The following BMP5 variants were observed in gnomAD, a reference collection of about 807,000 sequenced individuals.
The protein encoded by BMP5 is bone morphogenetic protein 5.
In BMP5, 23 loss-of-function variants were observed where a neutral mutation model predicts 46.6. The observed-to-expected ratio is 0.49, with a 90% CI of 0.35 to 0.70. The LOEUF (loss-of-function observed/expected upper bound fraction) is 0.70. Ranked by LOEUF, BMP5 falls within the 30% of genes least tolerant of loss-of-function variation. The pLI is 0.00. For missense variants in BMP5, 545 were observed against 565.6 expected, an observed-to-expected ratio of 0.96 and a Z score of 0.37; for synonymous variants, 204 against 191.9, an observed-to-expected ratio of 1.06 and a Z score of -0.52.
intron 2 of BMP5, among the ~76,000 whole-genome samples, chr6:55,810,578 T>G (rs912106240): frequency 6.6e-6 from 1 of 152,220 alleles, no homozygotes; most frequent in African/African-American, 2.4e-5. Context: ...CCATTTTTCA[T>G]GCAGTGAATG....
In BMP5 at chr6:55,845,431, T is replaced by C. The variant is rs75566690; in HGVS notation, c.491-25584A>G. On this transcript the variant is annotated intron_variant, in intron 1 of 6. Transcript: ENST00000370830. ...AAAAAATGATCTGGATGCTTTGATG[T>C]AGTGACATAACCACAAGGCGACGGG... Among the ~76,000 whole-genome samples, 8 of 152,124 alleles carry C rather than the reference T, an allele frequency of 5.3e-5. No homozygotes were observed. In the East Asian group the frequency reaches 1.5e-3, roughly 29 times the overall value.
chr6:55,814,325 TA>T (rs1225804182), intron 2 of BMP5, among the ~76,000 whole-genome samples: 3 of 152,172 alleles, frequency 2.0e-5, no homozygotes, highest in Non-Finnish European at 2.9e-5. Context: ...TAAACTAACA[TA>T]GATGCTCATA....
At chr6:55,757,328 T>A (rs1163015652) in intron 6 of BMP5, among the ~76,000 whole-genome samples, 1 of 152,014 alleles carries the variant, frequency 6.6e-6, no homozygotes, top group African/African-American at 2.4e-5. Flanking sequence ...AGGCAAAGAA[T>A]TTTCTGAGAA....
chr6:55,780,439 T>G (rs1344401510), intron 3 of BMP5, among the ~76,000 whole-genome samples: 2 of 89,738 alleles, frequency 2.2e-5, no homozygotes, highest in Non-Finnish European at 4.0e-5. Context: ...GTTAACACAG[T>G]GAAACCCCAT....
intron 2 of BMP5, among the ~76,000 whole-genome samples, chr6:55,816,131 T>C (rs1335364649): frequency 6.6e-6 from 1 of 151,938 alleles, no homozygotes; most frequent in Non-Finnish European, 1.5e-5. Flanking sequence ...AACTATAAAC[T>C]CAACATACAT....
At chr6:55,766,043 T>C (rs1774909359) in intron 4 of BMP5, among the ~76,000 whole-genome samples, 1 of 152,150 alleles carries the variant, frequency 6.6e-6, no homozygotes, top group Admixed American at 6.6e-5. Context: ...CCAGAAAATT[T>C]AATAAGCTTC....
chr6:55,832,872 A>G (rs1776698676), intron 1 of BMP5, among the ~76,000 whole-genome samples: 1 of 152,208 alleles, frequency 6.6e-6, no homozygotes, highest in Middle Eastern at 3.4e-3. Context: ...GCACTTTGGG[A>G]GACTAAGGCA....
At chr6:55,870,569 A>C (rs971471233) in intron 1 of BMP5, among the ~76,000 whole-genome samples, 3 of 152,174 alleles carry the variant, frequency 2.0e-5, no homozygotes, top group African/African-American at 7.2e-5. Flanking sequence ...TATGTTACAC[A>C]AGTGTTAATA....
At chr6:55,788,355 A>G (rs781056283) in intron 3 of BMP5, among the ~76,000 whole-genome samples, 2 of 151,736 alleles carry the variant, frequency 1.3e-5, no homozygotes, top group Non-Finnish European at 3.0e-5. Flanking sequence ...AAACTTTCTT[A>G]TTAGTAATTA....
At chr6:55,856,913 CA>C (rs764337176) in intron 1 of BMP5, among the ~76,000 whole-genome samples, 2 of 152,106 alleles carry the variant, frequency 1.3e-5, no homozygotes, top group Non-Finnish European at 2.9e-5. Flanking sequence ...AAAGATTTCA[CA>C]CTACAGTTTT....
intron 4 of BMP5, chr6:55,772,926 A>T: frequency 4.1e-6 from 4 of 985,064 alleles, no homozygotes; most frequent in Non-Finnish European, 4.8e-6. Context: ...GCAAATAAAA[A>T]CAAACAAATA....
intron 3 of BMP5, among the ~76,000 whole-genome samples, chr6:55,792,396 T>C (rs1217024955): frequency 2.0e-5 from 3 of 151,988 alleles, no homozygotes; most frequent in Non-Finnish European, 4.4e-5. Flanking sequence ...TAGCCGGGCA[T>C]GGTGGCAGGC....
chr6:55,867,039 A>G (rs1777657824), intron 1 of BMP5, among the ~76,000 whole-genome samples: 1 of 152,160 alleles, frequency 6.6e-6, no homozygotes, highest in Non-Finnish European at 1.5e-5. Flanking sequence ...AATATCTTCC[A>G]TTTGTACCTC....
intron 3 of BMP5, among the ~76,000 whole-genome samples, chr6:55,785,647 T>A (rs1775428667): frequency 6.6e-6 from 1 of 151,746 alleles, no homozygotes; most frequent in African/African-American, 2.4e-5. Context: ...GTACAGGAAT[T>A]CTCAATGACA....
In BMP5 at chr6:55,866,660, C is replaced by T. The variant is rs536117927; in HGVS notation, c.490+7716G>A. Among the ~76,000 whole-genome samples, 73 of 152,146 alleles carry T rather than the reference C, an allele frequency of 4.8e-4. 3 individuals are homozygous for T. In the South Asian group the frequency reaches 0.013, roughly 27 times the overall value. ...AATTTTTTCATTGGCAATTGCAGTC[C>T]GCAGTTCATATTGTGATCTGAAAGT... On this transcript the variant is annotated intron_variant, in intron 1 of 6. Transcript: ENST00000370830.
intron 2 of BMP5, among the ~76,000 whole-genome samples, chr6:55,797,274 T>C (rs1039728935): frequency 5.3e-5 from 8 of 152,320 alleles, no homozygotes; most frequent in African/African-American, 1.7e-4. Context: ...CTACCGGGAA[T>C]AGTAAAATAT....
In BMP5 at chr6:55,843,847, C is replaced by T. The variant is rs544827248; in HGVS notation, c.491-24000G>A. 6.4e-4 allele frequency among the ~76,000 whole-genome samples: 97 copies of T among 151,722 alleles called. 1 individual carries two copies. Among genetic ancestry groups the T allele is most frequent in the African/African-American group, 2.0e-3 (84 of 41,446 alleles). On this transcript the variant is annotated intron_variant, in intron 1 of 6. Transcript: ENST00000370830. ...CATACTTTTATTATCCTGCCTTGAA[C>T]AAAAAAAGATGTTTTATCTAAATAA... is the stretch of plus-strand genomic sequence containing the variant.
At chr6:55,788,276 T>C (rs1010225364) in intron 3 of BMP5, among the ~76,000 whole-genome samples, 9 of 151,712 alleles carry the variant, frequency 5.9e-5, no homozygotes, top group African/African-American at 2.2e-4. Context: ...TCTCCAAAAA[T>C]ATGTTGTTTT....
intron 3 of BMP5, among the ~76,000 whole-genome samples, chr6:55,777,745 A>G (rs1482196701): frequency 6.6e-6 from 1 of 151,946 alleles, no homozygotes; most frequent in African/African-American, 2.4e-5. Flanking sequence ...TTAAGTCTAT[A>G]ACTCAGAGTT....
Sources: gnomAD v4.1 joint callset for allele counts (sites outside exome capture counted in the v4.1 genomes callset) on GRCh38, gnomAD v4.1.1 for gene constraint, MANE v1.5 for transcripts, NCBI Gene and HGNC (gene_info 2026-07-23, HGNC 2026-07-21) for gene names.